SP140: variants seen among roughly 807,000 people sequenced by gnomAD.
SP140 encodes nuclear body protein SP140.
A neutral mutation model predicts 125.0 loss-of-function variants in SP140; 81 were observed. The ratio of observed to expected loss-of-function variants is 0.65; its 90% CI spans 0.54 to 0.78. The LOEUF (loss-of-function observed/expected upper bound fraction) is 0.78. Ranked by LOEUF, SP140 falls within the 30% of genes least tolerant of loss-of-function variation. SP140 has a pLI of 0.00. For missense variants in SP140, 858 were observed against 1,037.0 expected (o/e 0.83, Z 2.37); for synonymous variants, 312 against 354.0 (o/e 0.88, Z 1.33).
At chr2:230,285,122 G>A (rs2056190382) in intron 16 of SP140, among the ~76,000 whole-genome samples, 1 of 152,052 alleles carries the variant, frequency 6.6e-6, no homozygotes, top group Non-Finnish European at 1.5e-5. Flanking sequence ...CTCATCTGTG[G>A]CTATCTCCAA....
intron 9 of SP140, among the ~76,000 whole-genome samples, chr2:230,250,577 G>A (rs1015841394): frequency 2.0e-5 from 3 of 152,152 alleles, no homozygotes; most frequent in Non-Finnish European, 4.4e-5. Context: ...GGAAATAAAT[G>A]AGATGGGGAA....
intron 12 of SP140, among the ~76,000 whole-genome samples, chr2:230,255,959 A>G (rs961552308): frequency 6.6e-6 from 1 of 152,264 alleles, no homozygotes. Flanking sequence ...AATAAAGGTC[A>G]GAAATACGGT....
At chr2:230,255,650 A>G in intron 12 of SP140, 118 bp downstream of exon 12, 1 of 850,226 alleles carries the variant, frequency 1.2e-6, no homozygotes. Context: ...AAAGGATCTA[A>G]TTAATCCTGA....
chr2:230,307,320 C>T (rs1399808169), intron 22 of SP140, among the ~76,000 whole-genome samples: 1 of 152,236 alleles, frequency 6.6e-6, no homozygotes, highest in Non-Finnish European at 1.5e-5. Flanking sequence ...GACAAAAGAA[C>T]TTGGGATCTG....
At chr2:230,227,192 A>C (rs1239605096) in intron 1 of SP140, among the ~76,000 whole-genome samples, 1 of 152,232 alleles carries the variant, frequency 6.6e-6, no homozygotes. Context: ...CTCTGTGCTA[A>C]GGCTACTTCT....
At chr2:230,255,750 T>C (rs1211201186) in intron 12 of SP140, among the ~76,000 whole-genome samples, 1 of 152,232 alleles carries the variant, frequency 6.6e-6, no homozygotes, top group East Asian at 1.9e-4. Context: ...ATGGGATTTA[T>C]TGTTTGAACA....
At chr2:230,299,772 GCAC>G (rs940178107) in intron 22 of SP140, among the ~76,000 whole-genome samples, 79 of 152,142 alleles carry the variant, frequency 5.2e-4, no homozygotes, top group African/African-American at 1.9e-3. Flanking sequence ...TGGCTGTTGG[GCAC>G]CACAGCGGGA....
rs1018995768 is a variant in SP140 at position 230,265,433 on chromosome 2, C to T, written c.1241-4099C>T. 2.6e-5 allele frequency among the ~76,000 whole-genome samples: 4 copies of T among 152,322 alleles called. No individual in the cohort carries two copies. In the East Asian group the frequency reaches 5.8e-4, roughly 22 times the overall value. ...TTCCCCACCTGTGGAGTCTGCACACCGGATTTGCGCCCTCACAAGAGTTCT... is the reference window on the plus strand; with the variant it reads ...TTCCCCACCTGTGGAGTCTGCACACTGGATTTGCGCCCTCACAAGAGTTCT... On this transcript the variant is annotated intron_variant, in intron 12 of 26. Coordinates refer to ENST00000392045, the MANE Select transcript of SP140 (RefSeq NM_007237.5).
intron 1 of SP140, among the ~76,000 whole-genome samples, chr2:230,236,133 C>T (rs934695397): frequency 1.3e-5 from 2 of 152,092 alleles, no homozygotes; most frequent in African/African-American, 2.4e-5. Flanking sequence ...TCTCGGCCTC[C>T]CAAAGTGCTG....
At chr2:230,195,053 AT>A in the SP140 span, among the ~76,000 whole-genome samples, 16 of 145,036 alleles carry the variant, frequency 1.1e-4, no homozygotes, top group Admixed American at 2.7e-4. Context: ...TGTCTTGGGC[AT>A]TTTTTTTTTC....
chr2:230,251,654 C>T (rs2050386279), intron 10 of SP140, among the ~76,000 whole-genome samples: 1 of 152,156 alleles, frequency 6.6e-6, no homozygotes, highest in Non-Finnish European at 1.5e-5. Flanking sequence ...CTTGACAAAG[C>T]CTTCAAAGAA....
At chr2:230,271,442 G>A (rs115635489) in intron 15 of SP140, among the ~76,000 whole-genome samples, 385 of 152,260 alleles carry the variant, frequency 2.5e-3, no homozygotes, top group Non-Finnish European at 3.6e-3. Context: ...CCTATATTGC[G>A]TTAGAGAAAA....
intron 22 of SP140, among the ~76,000 whole-genome samples, chr2:230,303,357 G>C (rs2058480549): frequency 6.6e-6 from 1 of 152,148 alleles, no homozygotes; most frequent in Non-Finnish European, 1.5e-5. Context: ...GATTAAAGCA[G>C]GCAGAAATAG....
rs775478901 is a variant in SP140, at chr2:230,237,278, A to G, written c.237+18A>G. 3.1e-6 allele frequency: 5 copies of G among 1,607,198 alleles called. No individual in the cohort carries two copies. Among genetic ancestry groups the G allele is most frequent in the East Asian group, 2.2e-5 (1 of 44,660 alleles). On this transcript the variant is annotated intron_variant, in intron 2 of 26. Coordinates refer to ENST00000392045, the MANE Select transcript of SP140 (RefSeq NM_007237.5). This position sits in a 1 kb window ranked among gnomAD's most constrained non-coding sequence, Gnocchi z 5.4. The stretch of plus-strand genomic sequence containing the variant: ...TGTATGAAGTAAGTAAGAATTTCCA[A>G]ATGATGATAAACCAGGTCCATACTC...
intron 1 of SP140, among the ~76,000 whole-genome samples, chr2:230,229,169 T>C (rs559702097): frequency 5.8e-4 from 88 of 152,112 alleles, no homozygotes; most frequent in African/African-American, 2.1e-3. Context: ...TGCAACTGAA[T>C]GTCCCAAATT....
intron 11 of SP140, among the ~76,000 whole-genome samples, chr2:230,253,888 A>C (rs1044303533): frequency 1.3e-5 from 2 of 152,228 alleles, no homozygotes; most frequent in African/African-American, 4.8e-5. Flanking sequence ...AGCAAAGCGT[A>C]TGCAGTTTTA....
chr2:230,201,310 A>T (rs556198665), upstream of SP140, among the ~76,000 whole-genome samples: 1 of 152,312 alleles, frequency 6.6e-6, no homozygotes, highest in South Asian at 2.1e-4. Flanking sequence ...TGCAAGGTCA[A>T]ATTGTTTTCA....
chr2:230,306,896 A>G (rs2058813853), intron 22 of SP140, among the ~76,000 whole-genome samples: 2 of 152,188 alleles, frequency 1.3e-5, no homozygotes, highest in South Asian at 4.1e-4. Context: ...CACCACCTTC[A>G]GGCAAGAGAG....
At chr2:230,285,518 T>C (rs1240812389) in intron 16 of SP140, among the ~76,000 whole-genome samples, 3 of 152,246 alleles carry the variant, frequency 2.0e-5, no homozygotes, top group African/African-American at 7.2e-5. Flanking sequence ...TGAATCATTA[T>C]AACATTCTCA....
Sources: allele counts gnomAD v4.1 joint callset (sites outside exome capture counted in the v4.1 genomes callset), GRCh38; gene constraint gnomAD v4.1.1; non-coding constraint Gnocchi (gnomAD v3.1); transcripts MANE v1.5; gene names NCBI Gene and HGNC (gene_info 2026-07-23, HGNC 2026-07-21).